NFIA: variants seen among roughly 807,000 people sequenced by gnomAD.
NFIA encodes nuclear factor 1 A-type.
A neutral mutation model predicts 62.8 loss-of-function variants in NFIA; 8 were observed. The observed-to-expected ratio is 0.13, with a 90% confidence interval of 0.07 to 0.23. The LOEUF is 0.23. NFIA is among the 10% of genes least tolerant of loss of function. The pLI is 1.00. For missense variants in NFIA, 410 were observed against 642.1 expected (o/e 0.64, Z 3.91); for synonymous variants, 235 against 238.1 (o/e 0.99, Z 0.12).
At chr1:61,229,010 A>T (rs1345661573) in intron 2 of NFIA, among the ~76,000 whole-genome samples, 1 of 152,176 alleles carries the variant, frequency 6.6e-6, no homozygotes, top group Admixed American at 6.5e-5. Flanking sequence ...ACCCATTAAT[A>T]AAAAAGAATG....
intron 9 of NFIA, among the ~76,000 whole-genome samples, chr1:61,425,318 T>A (rs1666817117): frequency 1.3e-5 from 2 of 152,018 alleles, no homozygotes; most frequent in Admixed American, 6.6e-5. Context: ...GCAGATGATG[T>A]CAATAAGGAA....
intron 5 of NFIA, among the ~76,000 whole-genome samples, chr1:61,358,240 T>C (rs572346561): frequency 3.9e-5 from 6 of 152,162 alleles, no homozygotes; most frequent in African/African-American, 1.4e-4. Context: ...GATTTATTTC[T>C]AGTATTTAGA....
At chr1:61,134,211 G>A (rs926798181) in intron 2 of NFIA, among the ~76,000 whole-genome samples, 17 of 151,380 alleles carry the variant, frequency 1.1e-4, no homozygotes, top group African/African-American at 3.9e-4. Flanking sequence ...AAATGCTTTG[G>A]AAACTACAGG....
In NFIA at chr1:61,365,514, A is replaced by G. The variant is rs546198721; in HGVS notation, c.946+6240A>G. On this transcript the variant is annotated intron_variant, in intron 6 of 10. Coordinates refer to ENST00000403491, the MANE Select transcript of NFIA (RefSeq NM_001134673.4). ...GTGACTCTAGATACCTCACTATAAGAAAAACAATTCTCTTGTCTCCCTCTC... is the reference window on the plus strand; with the variant it reads ...GTGACTCTAGATACCTCACTATAAGGAAAACAATTCTCTTGTCTCCCTCTC... Among the ~76,000 whole-genome samples the G allele has an allele frequency of 5.9e-5, 9 of 152,350 alleles. No homozygotes were observed. The East Asian group carries it at 1.7e-3, about 29-fold the overall frequency.
chr1:61,366,218 C>T (rs1125777), intron 6 of NFIA, among the ~76,000 whole-genome samples: 65,171 of 151,944 alleles, frequency 0.43, 15,109 homozygotes, highest in East Asian at 0.68. Flanking sequence ...TGGATGACTG[C>T]GTTGCACCAC....
intron 2 of NFIA, among the ~76,000 whole-genome samples, chr1:61,169,250 G>A (rs1047604389): frequency 6.6e-6 from 1 of 152,156 alleles, no homozygotes; most frequent in Admixed American, 6.5e-5. Flanking sequence ...TTCCAGCTGT[G>A]TAACAAGCAC....
chr1:61,204,687 G>A (rs1339570049), intron 2 of NFIA, among the ~76,000 whole-genome samples: 2 of 152,110 alleles, frequency 1.3e-5, no homozygotes, highest in Non-Finnish European at 2.9e-5. Context: ...TTGGGTTGAT[G>A]TGGTTACTGA....
chr1:61,290,410 T>C (rs1053737432), intron 3 of NFIA, among the ~76,000 whole-genome samples: 2 of 152,244 alleles, frequency 1.3e-5, no homozygotes, highest in African/African-American at 4.8e-5. Flanking sequence ...TTTAGATTTC[T>C]GAATTATTTA....
intron 7 of NFIA, among the ~76,000 whole-genome samples, chr1:61,398,067 G>A (rs1665370625): frequency 6.6e-6 from 1 of 152,168 alleles, no homozygotes; most frequent in Non-Finnish European, 1.5e-5. Flanking sequence ...TCTACACCAG[G>A]GACTGGAAAA....
rs908689925 is a variant in NFIA at position 61,352,333 on chromosome 1, G to T, written c.701-117G>T. The T allele has an allele frequency of 5.9e-6, 4 of 678,752 alleles. No homozygotes were observed. In the Admixed American group the frequency reaches 7.8e-5, roughly 13 times the overall value. 42.0% of individuals were successfully genotyped at this position (678,752 alleles called of 1,614,324 possible). On this transcript the variant is annotated intron_variant, in intron 4 of 10. Transcript: ENST00000403491. ...TCATAGTTTATTACTGATTATTTTC[G>T]ATTCGCTTACATATAAATGCAAAAA...
At chr1:61,401,000 T>G (rs1033244132) in intron 7 of NFIA, among the ~76,000 whole-genome samples, 12 of 147,970 alleles carry the variant, frequency 8.1e-5, no homozygotes, top group African/African-American at 2.7e-4. Context: ...AATAGCAGGT[T>G]ATCTAGAGAA....
chr1:61,379,389 A>C (rs568681022), intron 6 of NFIA, among the ~76,000 whole-genome samples: 1 of 147,830 alleles, frequency 6.8e-6, no homozygotes, highest in Non-Finnish European at 1.5e-5. Context: ...CACTCAGCTA[A>C]CTTTTTCTTT....
At chr1:61,134,860 T>A (rs1046065085) in intron 2 of NFIA, among the ~76,000 whole-genome samples, 9 of 152,142 alleles carry the variant, frequency 5.9e-5, no homozygotes, top group Non-Finnish European at 1.0e-4. Context: ...TTTAAACAAG[T>A]GTATATATGC....
intron 10 of NFIA, among the ~76,000 whole-genome samples, chr1:61,440,057 G>A (rs1667506706): frequency 6.6e-6 from 1 of 152,124 alleles, no homozygotes; most frequent in African/African-American, 2.4e-5. Context: ...CTTTTTTAGT[G>A]AAAAGAACAT....
chr1:61,350,025 A>G (rs1264440247), intron 4 of NFIA, among the ~76,000 whole-genome samples: 2 of 152,122 alleles, frequency 1.3e-5, no homozygotes, highest in Non-Finnish European at 2.9e-5. Flanking sequence ...TGGTTTGCCT[A>G]TTATATTCTT....
At chr1:61,387,307 A>C (rs1664742229) in intron 7 of NFIA, among the ~76,000 whole-genome samples, 1 of 152,140 alleles carries the variant, frequency 6.6e-6, no homozygotes, top group Non-Finnish European at 1.5e-5. Flanking sequence ...AAAGGAAATA[A>C]TGTATTTGTA....
chr1:61,284,641 T>C (rs934901781), intron 3 of NFIA, among the ~76,000 whole-genome samples: 23 of 152,212 alleles, frequency 1.5e-4, no homozygotes, highest in African/African-American at 5.3e-4. Context: ...TATTTTATTG[T>C]CTTCACACAG....
intron 2 of NFIA, among the ~76,000 whole-genome samples, chr1:61,203,845 T>C (rs1384988723): frequency 1.3e-5 from 2 of 152,180 alleles, no homozygotes; most frequent in African/African-American, 4.8e-5. Context: ...GGAGCCGGCC[T>C]TTGAGTGATA....
At chr1:61,214,043 C>G (rs1297746537) in intron 2 of NFIA, among the ~76,000 whole-genome samples, 1 of 152,140 alleles carries the variant, frequency 6.6e-6, no homozygotes, top group African/African-American at 2.4e-5. Context: ...TGAAAGTGCT[C>G]CCCAGTCAAA....
Sources: allele counts gnomAD v4.1 joint callset (sites outside exome capture counted in the v4.1 genomes callset), GRCh38; gene constraint gnomAD v4.1.1; transcripts MANE v1.5; gene names NCBI Gene and HGNC (gene_info 2026-07-23, HGNC 2026-07-21).